The following CLCN2 variants were observed in gnomAD, a reference collection of about 807,000 sequenced individuals.
The protein encoded by CLCN2 is chloride channel protein 2.
CLCN2 carries 72 observed loss-of-function variants against 108.3 expected under a neutral mutation model. The observed-to-expected ratio is 0.66, with a 90% confidence interval of 0.55 to 0.81. The LOEUF (loss-of-function observed/expected upper bound fraction) is 0.81. Among genes scored for constraint, CLCN2 ranks in the 30% least tolerant of loss-of-function variants. The probability of loss-of-function intolerance (pLI) is 0.00; values close to 1 mark genes in which losing one functional copy is unlikely to be tolerated. For synonymous variants in CLCN2, 471 were observed against 467.1 expected, an observed-to-expected ratio of 1.01 and a Z score of -0.11; for missense variants, 1,048 against 1,205.2, an observed-to-expected ratio of 0.87 and a Z score of 1.93.
Position 184,353,801 on chromosome 3 carries a change from G to A in CLCN2, c.1722-6C>T. ...CCACACGCACCCGGTACTGCCTGGGGGCCGAGAGAGGCGCTTGGTTTGTGG... is the reference window on the plus strand; with the variant it reads ...CCACACGCACCCGGTACTGCCTGGGAGCCGAGAGAGGCGCTTGGTTTGTGG... On this transcript the variant is annotated splice_region_variant and splice_polypyrimidine_tract_variant and intron_variant, in intron 15 of 23. Transcript: ENST00000265593. 4 of 1,603,390 alleles carry A rather than the reference G, an allele frequency of 2.5e-6. No individual in the cohort carries two copies. The highest frequency in any genetic ancestry group is 3.4e-6 in the Non-Finnish European group (4 of 1,175,820).
At chr3:184,360,678 G>C (rs1005354392) in intron 1 of CLCN2, among the ~76,000 whole-genome samples, 1 of 152,138 alleles carries the variant, frequency 6.6e-6, no homozygotes, top group South Asian at 2.1e-4. Context: ...ACATGAGGAG[G>C]GTCACGTGGC....
chr3:184,346,829 G>A lies in CLCN2; in HGVS notation c.2503-29C>T. 1.2e-6 allele frequency: 2 copies of A among 1,613,632 alleles called. No homozygotes were observed. Among genetic ancestry groups the A allele is most frequent in the Non-Finnish European group, 1.7e-6 (2 of 1,179,620 alleles). On this transcript the variant is annotated intron_variant, in intron 23 of 23. Coordinates refer to ENST00000265593, the MANE Select transcript of CLCN2 (RefSeq NM_004366.6). This position sits in a 1 kb window ranked among gnomAD's most constrained non-coding sequence, Gnocchi z 6.0. ...GAAAGGTGAGAGGGACAGATGTCTG[G>A]ACCCAGATGTCAGACTCCTCCCCGC... is the stretch of plus-strand genomic sequence containing the variant.
chr3:184,354,076 C>T (rs538550244), intron 15 of CLCN2, 25 bp downstream of exon 15: 6 of 1,607,460 alleles, frequency 3.7e-6, no homozygotes, highest in Admixed American at 1.7e-5. Context: ...CACCCACAGC[C>T]CCCTTGGCAC....
chr3:184,358,157 G>T (rs1458075983), intron 4 of CLCN2, 25 bp downstream of exon 4: 3 of 1,614,130 alleles, frequency 1.9e-6, no homozygotes, highest in Non-Finnish European at 8.5e-7. Flanking sequence ...TCCCGCCTCT[G>T]CCCTCCCCTT....
rs780553073 is a variant in CLCN2, at chr3:184,358,045, C to T, written c.532G>A (p.Glu178Lys). 4.5e-5 allele frequency: 72 copies of T among 1,614,016 alleles called. No homozygotes were observed. The highest frequency in any genetic ancestry group is 5.9e-5 in the Non-Finnish European group (70 of 1,180,044). Reference sequence around the variant, plus strand: ...ATAAAGGTCTTGAGTGTGAGGTATTCTTTCAGCACCACTCCCCGCAAGATG... The same window carrying T: ...ATAAAGGTCTTGAGTGTGAGGTATTTTTTCAGCACCACTCCCCGCAAGATG... ...KTILRGVVLK[E>K]YLTLKTFIAK... is the part of the protein sequence containing the mutation. The change falls in exon 5 of 24, where the codon GAA (glutamate) becomes AAA (lysine). Residue 178 changes from glutamate to lysine, a missense_variant. Coordinates refer to ENST00000265593, the MANE Select transcript of CLCN2 (RefSeq NM_004366.6).
chr3:184,346,734 A>G lies in CLCN2; in HGVS notation c.2569T>C (p.Phe857Leu). The G allele has an allele frequency of 6.2e-7, 1 of 1,614,152 alleles. No individual in the cohort carries two copies. The highest frequency in any genetic ancestry group is 8.5e-7 in the Non-Finnish European group (1 of 1,180,032). ...GVKVRPPLAS[F>L]RDSATSSSDT... ...CTGCTGCTGGTGGCACTGTCTCGGA[A>G]GCTGGCGAGGGGCGGCCGGACTTTC... Residue 857 changes from phenylalanine (F) to leucine (L), a missense_variant, in exon 24 of 24, where the codon TTC (phenylalanine) becomes CTC (leucine). Physicochemically the swap from Phe to Leu is conservative, Grantham distance 22 (BLOSUM62 0). Coordinates refer to ENST00000265593, the MANE Select transcript of CLCN2 (RefSeq NM_004366.6). This position sits in a 1 kb window ranked among gnomAD's most constrained non-coding sequence, Gnocchi z 6.0.
chr3:184,350,975 A>G (rs2108559317), intron 22 of CLCN2, among the ~76,000 whole-genome samples: 1 of 152,320 alleles, frequency 6.6e-6, no homozygotes, highest in East Asian at 1.9e-4. Flanking sequence ...GGTTTTGGGA[A>G]GAAGGGCTTT....
chr3:184,354,697 G>A (rs749724092), intron 13 of CLCN2, 39 bp from the exon 14 acceptor site: 1 of 1,483,586 alleles, frequency 6.7e-7, no homozygotes, highest in African/African-American at 1.4e-5. Flanking sequence ...AGGCAGTGGA[G>A]GGGGAGGGCA....
intron 3 of CLCN2, 120 bp downstream of exon 3, chr3:184,358,562 T>A: frequency 7.3e-7 from 1 of 1,378,068 alleles, no homozygotes; most frequent in South Asian, 1.3e-5. Context: ...GCAGTCAGAC[T>A]GGCTGGGGAA....
Position 184,355,012 on chromosome 3 carries a change from C to G in CLCN2, c.1327-39G>C, listed in dbSNP as rs201161815. ...GTGGTTCAAAGGCGAAGAGGCTCCACCTGGCCCCAGGCAGCCCACAGCGCC... is the reference window on the plus strand; with the variant it reads ...GTGGTTCAAAGGCGAAGAGGCTCCAGCTGGCCCCAGGCAGCCCACAGCGCC... On this transcript the variant is annotated intron_variant, in intron 12 of 23. Coordinates refer to ENST00000265593, the MANE Select transcript of CLCN2 (RefSeq NM_004366.6). The surrounding 1 kb of genome is among the most constrained non-coding windows in gnomAD (Gnocchi z 6.3). 163 of 1,597,902 alleles carry G rather than the reference C, an allele frequency of 1.0e-4. 2 individuals carry two copies. The East Asian group carries it at 3.6e-3, about 35-fold the overall frequency.
Position 184,346,565 on chromosome 3 carries a change from A to C in CLCN2, c.*41T>G. 6.2e-7 allele frequency: 1 copy of C among 1,606,930 alleles called. No individual in the cohort carries two copies. Among genetic ancestry groups the C allele is most frequent in the Non-Finnish European group, 8.5e-7 (1 of 1,175,216 alleles). On this transcript the variant is annotated 3_prime_UTR_variant, in exon 24 of 24. Transcript: ENST00000265593. This position sits in a 1 kb window ranked among gnomAD's most constrained non-coding sequence, Gnocchi z 6.0. The stretch of plus-strand genomic sequence containing the variant: ...AATGAAAGATGCACATTCTGGGCTG[A>C]CGGGCATGGCTAGCACCATCCTAGG...
At chr3:184,358,538 A>G in intron 3 of CLCN2, 144 bp downstream of exon 3, 1 of 1,212,488 alleles carries the variant, frequency 8.2e-7, no homozygotes, top group Non-Finnish European at 1.2e-6. Flanking sequence ...GGCCGAGATG[A>G]TGCCTGAATC....
Position 184,358,064 on chromosome 3 carries a change from C to T in CLCN2, c.513G>A (p.Leu171=). The change falls in exon 5 of 24, where the codon TTG becomes TTA. Residue 171 remains leucine (L), a synonymous_variant. Transcript: ENST00000265593. ...GGTATTCTTTCAGCACCACTCCCCG[C>T]AAGATGGTCTTCATCTCAGGGATGC... ...GSGIPEMKTI[L]RGVVLKEYLT... The T allele has an allele frequency of 1.2e-6, 2 of 1,614,114 alleles. No individual in the cohort carries two copies. Among genetic ancestry groups the T allele is most frequent in the East Asian group, 2.2e-5 (1 of 44,890 alleles).
intron 10 of CLCN2, chr3:184,356,632 TC>T (rs776899921): frequency 4.0e-4 from 81 of 201,480 alleles, no homozygotes; most frequent in Admixed American, 2.1e-3. Context: ...AGAGTGAAAC[TC>T]CGTCTCAAAA....
Position 184,357,107 on chromosome 3 carries a change from G to A in CLCN2, c.984-13C>T, listed in dbSNP as rs371930367. On this transcript the variant is annotated splice_polypyrimidine_tract_variant and intron_variant, in intron 9 of 23. Coordinates refer to ENST00000265593, the MANE Select transcript of CLCN2 (RefSeq NM_004366.6). Reference sequence around the variant, plus strand: ...GCCACTAGCAATACTGGAAAGGGAAGAGGCACCTGAGTGAAAAGGAGCCTT... The same window carrying A: ...GCCACTAGCAATACTGGAAAGGGAAAAGGCACCTGAGTGAAAAGGAGCCTT... The A allele has an allele frequency of 6.2e-7, 1 of 1,611,552 alleles. No homozygotes were observed. The highest frequency in any genetic ancestry group is 8.5e-7 in the Non-Finnish European group (1 of 1,178,254).
chr3:184,355,659 G>A lies in CLCN2; in HGVS notation c.1170+35C>T. On this transcript the variant is annotated intron_variant, in intron 11 of 23. Transcript: ENST00000265593. The surrounding 1 kb of genome is among the most constrained non-coding windows in gnomAD (Gnocchi z 6.3). ...TGGCTTTGGAGGAATGCCTTCCAAG[G>A]GAAAGCACAAAACTCCTGTTCTGCC... 1 of 1,611,298 alleles carries A rather than the reference G, an allele frequency of 6.2e-7. No homozygotes were observed. The highest frequency in any genetic ancestry group is 8.5e-7 in the Non-Finnish European group (1 of 1,177,472).
chr3:184,353,081 G>A lies in CLCN2; in HGVS notation c.2095C>T (p.Leu699Phe). ...GETHKPLKPA[L>F]KRGPSVTRNL... ...CTGGTGACACTGGGCCCCCTCTTGAGTGCAGGCTTTAGGGGCTTGTGGGTC... is the reference window on the plus strand; with the variant it reads ...CTGGTGACACTGGGCCCCCTCTTGAATGCAGGCTTTAGGGGCTTGTGGGTC... Residue 699 changes from leucine to phenylalanine, a missense_variant, in exon 18 of 24, where the codon CTC (leucine) becomes TTC (phenylalanine). By Grantham distance (22) the Leu-to-Phe change is conservative (BLOSUM62 0). Transcript: ENST00000265593. 1 of 1,614,200 alleles carries A rather than the reference G, an allele frequency of 6.2e-7. No homozygotes were observed. Among genetic ancestry groups the A allele is most frequent in the Non-Finnish European group, 8.5e-7 (1 of 1,180,034 alleles).
rs534272698 is a variant in CLCN2, at chr3:184,356,570, C to T, written c.1085+423G>A. 4 of 178,264 alleles carry T rather than the reference C, an allele frequency of 2.2e-5. No homozygotes were observed. The South Asian group carries it at 3.4e-4, about 15-fold the overall frequency. 11.0% of individuals were successfully genotyped at this position (178,264 alleles called of 1,614,324 possible). ...AGGAGAATCGCTTGAACCCAGGAGG[C>T]GGAGGTTGCGGTGAGCCGAGATCGC... On this transcript the variant is annotated intron_variant, in intron 10 of 23. Transcript: ENST00000265593.
At chr3:184,350,745 A>G (rs1217067777) in intron 22 of CLCN2, among the ~76,000 whole-genome samples, 1 of 152,134 alleles carries the variant, frequency 6.6e-6, no homozygotes, top group Non-Finnish European at 1.5e-5. Context: ...TCTGCTACTT[A>G]TTAGCTGTGT....
Sources: allele counts gnomAD v4.1 joint callset (sites outside exome capture counted in the v4.1 genomes callset), GRCh38; gene constraint gnomAD v4.1.1; non-coding constraint Gnocchi (gnomAD v3.1); transcripts MANE v1.5; gene names NCBI Gene and HGNC (gene_info 2026-07-23, HGNC 2026-07-21).